The following SYT1 variants were observed in gnomAD, a reference collection of about 807,000 sequenced individuals.
SYT1 encodes synaptotagmin-1.
SYT1 carries 8 observed loss-of-function variants against 44.8 expected under a neutral mutation model. The ratio of observed to expected loss-of-function variants is 0.18; its 90% confidence interval spans 0.10 to 0.32. The LOEUF (loss-of-function observed/expected upper bound fraction) is 0.32, where lower values mean the gene tolerates loss of function less well. SYT1 is among the 10% of genes least tolerant of loss of function. The pLI, the probability that SYT1 is intolerant of heterozygous loss-of-function variation, is 1.00. For synonymous variants in SYT1, 154 were observed against 188.8 expected (o/e 0.82, Z 1.51); for missense variants, 286 against 509.3 (o/e 0.56, Z 4.22).
intron 3 of SYT1, among the ~76,000 whole-genome samples, chr12:79,083,946 C>T (rs990857955): frequency 6.6e-6 from 1 of 152,054 alleles, no homozygotes; most frequent in Admixed American, 6.6e-5. Flanking sequence ...GGAAGATTCA[C>T]AAATGAGCAT....
chr12:78,923,224 C>T (rs1039050551), intron 1 of SYT1, among the ~76,000 whole-genome samples: 5 of 151,972 alleles, frequency 3.3e-5, no homozygotes, highest in Admixed American at 2.6e-4. Context: ...GCTAGTGTGA[C>T]TGAGGATCCA....
chr12:79,332,322 T>C (rs564221863), intron 8 of SYT1, among the ~76,000 whole-genome samples: 1 of 152,348 alleles, frequency 6.6e-6, no homozygotes, highest in Admixed American at 6.5e-5. Context: ...AATTCCCTAA[T>C]GATGTTCTGA....
At chr12:79,257,159 TATA>T (rs1877567341) in intron 4 of SYT1, among the ~76,000 whole-genome samples, 2 of 152,322 alleles carry the variant, frequency 1.3e-5, no homozygotes, top group East Asian at 1.9e-4. Context: ...CATCAGATAT[TATA>T]ATAAGACAAT....
intron 8 of SYT1, among the ~76,000 whole-genome samples, chr12:79,350,057 T>A (rs1882819907): frequency 6.6e-6 from 1 of 152,060 alleles, no homozygotes; most frequent in Non-Finnish European, 1.5e-5. Flanking sequence ...CAAAAATTCG[T>A]ACTGGCATGA....
intron 1 of SYT1, among the ~76,000 whole-genome samples, chr12:78,933,738 A>G (rs979062518): frequency 6.6e-6 from 1 of 152,172 alleles, no homozygotes; most frequent in Non-Finnish European, 1.5e-5. Context: ...AACTTCCATC[A>G]CAGATATTAG....
chr12:78,895,753 A>G (rs932005901), intron 1 of SYT1, among the ~76,000 whole-genome samples: 7 of 151,958 alleles, frequency 4.6e-5, no homozygotes, highest in Non-Finnish European at 8.8e-5. Flanking sequence ...AACTGCTAAA[A>G]TATTATTTCA....
chr12:78,864,892 C>A lies in SYT1; in HGVS notation c.-434C>A, dbSNP rs1288185144. ...GTGCTCAGCCGAGAGGGGGGCTTGGCGCCCCGAAGGGGTGTGTGTAGGGTG... is the reference window on the plus strand; with the variant it reads ...GTGCTCAGCCGAGAGGGGGGCTTGGAGCCCCGAAGGGGTGTGTGTAGGGTG... On this transcript the variant is annotated 5_prime_UTR_variant, in exon 1 of 11. Transcript: ENST00000261205. 1 of 152,662 alleles carries A rather than the reference C, an allele frequency of 6.6e-6. No homozygotes were observed. The highest frequency in any genetic ancestry group is 1.5e-5 in the Non-Finnish European group (1 of 68,460). 9.5% of individuals were successfully genotyped at this position (152,662 alleles called of 1,614,324 possible).
intron 9 of SYT1, among the ~76,000 whole-genome samples, chr12:79,360,350 A>C (rs1409399481): frequency 6.6e-6 from 1 of 152,074 alleles, no homozygotes; most frequent in Non-Finnish European, 1.5e-5. Flanking sequence ...TTTTTTCTTG[A>C]GTCTCCTCCA....
chr12:78,966,895 A>G (rs879600024), intron 1 of SYT1, among the ~76,000 whole-genome samples: 13 of 152,184 alleles, frequency 8.5e-5, no homozygotes, highest in Admixed American at 3.3e-4. Flanking sequence ...ATGCTGCTAA[A>G]CTCTCTTTAA....
At chr12:78,921,022 A>G (rs1876959790) in intron 1 of SYT1, among the ~76,000 whole-genome samples, 1 of 151,888 alleles carries the variant, frequency 6.6e-6, no homozygotes, top group African/African-American at 2.4e-5. Context: ...AAGGTGAGGC[A>G]TTGATTTTTA....
At chr12:79,179,372 A>ATC (rs370714483) in intron 3 of SYT1, among the ~76,000 whole-genome samples, 2 of 20,476 alleles carry the variant, frequency 9.8e-5, no homozygotes, top group African/African-American at 2.7e-4. Context: ...ATATAGATAT[A>ATC]GATATAGATA....
chr12:78,943,028 C>G (rs1878463981), intron 1 of SYT1, among the ~76,000 whole-genome samples: 1 of 152,142 alleles, frequency 6.6e-6, no homozygotes, highest in Non-Finnish European at 1.5e-5. Context: ...GTATAGTAGT[C>G]TAATAATAGT....
intron 3 of SYT1, among the ~76,000 whole-genome samples, chr12:79,077,872 T>C (rs1329850420): frequency 3.3e-5 from 5 of 152,126 alleles, no homozygotes; most frequent in African/African-American, 1.2e-4. Flanking sequence ...AAAAATTGTA[T>C]GCTTTTTTTT....
intron 3 of SYT1, among the ~76,000 whole-genome samples, chr12:79,107,977 T>G (rs1421300863): frequency 6.6e-6 from 1 of 152,004 alleles, no homozygotes; most frequent in Non-Finnish European, 1.5e-5. Context: ...AATTCTAAAT[T>G]TAGAGATTTA....
chr12:79,273,148 G>A lies in SYT1; in HGVS notation c.167-12639G>A, dbSNP rs75524250. ...TTTTTTTTTTTTTTGACAATATCTC[G>A]CTCTGTTACTCAGGCTGCAGTGCAG... On this transcript the variant is annotated intron_variant, in intron 4 of 10. Coordinates refer to ENST00000261205, the MANE Select transcript of SYT1 (RefSeq NM_005639.3). Among the ~76,000 whole-genome samples, 547 of 138,210 alleles carry A rather than the reference G, an allele frequency of 4.0e-3. 2 individuals are homozygous for A. The highest frequency in any genetic ancestry group is 0.014 in the African/African-American group (513 of 37,016). The allele number at this position is 138,210 out of a possible 152,430, so 90.7% of individuals were successfully genotyped here.
intron 9 of SYT1, among the ~76,000 whole-genome samples, chr12:79,416,802 A>G (rs1315300424): frequency 6.6e-6 from 1 of 152,194 alleles, no homozygotes; most frequent in African/African-American, 2.4e-5. Context: ...AACAAGTTCT[A>G]TTATACACTA....
At chr12:79,342,308 T>G (rs1490636269) in intron 8 of SYT1, among the ~76,000 whole-genome samples, 2 of 152,140 alleles carry the variant, frequency 1.3e-5, no homozygotes, top group African/African-American at 4.8e-5. Context: ...CATAGCTCAC[T>G]GAAGACTCAA....
chr12:78,927,563 G>A (rs1483831278), intron 1 of SYT1, among the ~76,000 whole-genome samples: 1 of 152,044 alleles, frequency 6.6e-6, no homozygotes, highest in Admixed American at 6.6e-5. Flanking sequence ...AGTGTCTTGA[G>A]TTTGTTTTTA....
chr12:79,038,233 A>G (rs1483710777), intron 2 of SYT1, among the ~76,000 whole-genome samples: 1 of 151,210 alleles, frequency 6.6e-6, no homozygotes, highest in Non-Finnish European at 1.5e-5. Flanking sequence ...ATACACACAT[A>G]CATATATATA....
Sources: allele counts gnomAD v4.1 joint callset (sites outside exome capture counted in the v4.1 genomes callset), GRCh38; gene constraint gnomAD v4.1.1; transcripts MANE v1.5; gene names NCBI Gene and HGNC (gene_info 2026-07-23, HGNC 2026-07-21).